Variants in YES1 observed in about 807,000 individuals in gnomAD.
YES1 encodes the protein YES proto-oncogene 1, Src family tyrosine kinase, also known as tyrosine-protein kinase Yes.
YES1 carries 39 observed loss-of-function variants against 70.4 expected under a neutral mutation model. That is an observed-to-expected ratio of 0.55 (90% CI 0.43 to 0.72). YES1 has a LOEUF of 0.72. YES1 is among the 30% of genes least tolerant of loss of function. YES1 has a pLI of 0.00. For synonymous variants in YES1, 198 were observed against 218.6 expected (o/e 0.91, Z 0.83); for missense variants, 495 against 644.8 (o/e 0.77, Z 2.52).
At chr18:763,703 C>CAA (rs71174286) in intron 1 of YES1, among the ~76,000 whole-genome samples, 927 of 63,430 alleles carry the variant, frequency 0.015, 48 homozygotes, top group African/African-American at 0.026. Flanking sequence ...ATCCTGTCTT[C>CAA]AAAAAAAAAA....
At chr18:803,623 T>C (rs1906936698) in intron 1 of YES1, among the ~76,000 whole-genome samples, 1 of 152,164 alleles carries the variant, frequency 6.6e-6, no homozygotes, top group Non-Finnish European at 1.5e-5. Flanking sequence ...TGTACTTAAA[T>C]TAAGCTTAAT....
intron 11 of YES1, among the ~76,000 whole-genome samples, chr18:731,833 G>C (rs1474777660): frequency 6.6e-6 from 1 of 151,988 alleles, no homozygotes; most frequent in Non-Finnish European, 1.5e-5. Flanking sequence ...TGGGCGTGGT[G>C]GCGGGTGCCT....
chr18:803,887 T>C (rs1906949439), intron 1 of YES1, among the ~76,000 whole-genome samples: 1 of 152,230 alleles, frequency 6.6e-6, no homozygotes. Flanking sequence ...TACCTATTTG[T>C]GAGGCTTTTA....
At chr18:792,563 ATATGTGTGTG>A in intron 1 of YES1, among the ~76,000 whole-genome samples, 1 of 104,528 alleles carries the variant, frequency 9.6e-6, no homozygotes, top group East Asian at 3.0e-4. Context: ...CTCCCTCTGT[ATATGTGTGTG>A]TGTGTGTGTG....
intron 1 of YES1, among the ~76,000 whole-genome samples, chr18:782,855 C>T (rs558643982): frequency 6.6e-6 from 1 of 152,126 alleles, no homozygotes; most frequent in East Asian, 1.9e-4. Flanking sequence ...CCACCATGCC[C>T]GGCTAATTTT....
chr18:811,886 C>A (rs1360337134), intron 1 of YES1, among the ~76,000 whole-genome samples: 2 of 152,276 alleles, frequency 1.3e-5, no homozygotes, highest in South Asian at 4.1e-4. Flanking sequence ...CCCGGCAGGT[C>A]TGGACAGGGC....
Position 743,918 on chromosome 18 carries a change from A to ATAT in YES1, c.725-504_725-503insATA, listed in dbSNP as rs1455403158. Among the ~76,000 whole-genome samples the ATAT allele has an allele frequency of 4.6e-3, 668 of 146,736 alleles. 5 individuals carry two copies. Among genetic ancestry groups the ATAT allele is most frequent in the African/African-American group, 0.016 (633 of 40,012 alleles). Reference sequence around the variant, plus strand: ...GAGATTCTGACTCGAAAAAAAAAAAAATATATATATATATACATGTTATTA... The same window carrying ATAT: ...GAGATTCTGACTCGAAAAAAAAAAAATATATATATATATATATACATGTTATTA... On this transcript the variant is annotated intron_variant, in intron 6 of 11. Coordinates refer to ENST00000314574, the MANE Select transcript of YES1 (RefSeq NM_005433.4).
intron 1 of YES1, among the ~76,000 whole-genome samples, chr18:761,413 C>A (rs1423542114): frequency 6.6e-6 from 1 of 152,080 alleles, no homozygotes; most frequent in Non-Finnish European, 1.5e-5. Flanking sequence ...ATGGGGGAAA[C>A]CCAGTAATAC....
chr18:794,840 G>A (rs1026316964), intron 1 of YES1, among the ~76,000 whole-genome samples: 6 of 152,200 alleles, frequency 3.9e-5, no homozygotes, highest in South Asian at 2.1e-4. Context: ...TTTTTGAGAC[G>A]GAGTCTCACT....
chr18:802,468 T>C (rs1598947922), intron 1 of YES1, among the ~76,000 whole-genome samples: 1 of 146,262 alleles, frequency 6.8e-6, no homozygotes, highest in African/African-American at 2.6e-5. Context: ...CGCTTGAACC[T>C]GGGAGGCAGA....
chr18:728,348 T>C (rs531112012), intron 11 of YES1, among the ~76,000 whole-genome samples: 11 of 152,238 alleles, frequency 7.2e-5, no homozygotes, highest in Admixed American at 3.3e-4. Flanking sequence ...CATTTATGTT[T>C]CATATACACC....
At position 786,193 on chromosome 18, in the gene YES1, T is replaced by C. The variant is rs1905928020; in HGVS notation, c.-9+25921A>G. The stretch of plus-strand genomic sequence containing the variant: ...CTTCAAATAACCTCTAAATGAGAAT[T>C]TGGCAGGAAGCTGGTCTCCACACAG... On this transcript the variant is annotated intron_variant, in intron 1 of 11. Coordinates refer to ENST00000314574, the MANE Select transcript of YES1 (RefSeq NM_005433.4). Among the ~76,000 whole-genome samples the C allele has an allele frequency of 2.1e-5, 3 of 145,422 alleles. No individual in the cohort carries two copies. In the South Asian group the frequency reaches 6.4e-4, roughly 31 times the overall value.
chr18:732,795 A>G (rs2080107817), intron 11 of YES1, 39 bp downstream of exon 11: 2 of 1,613,308 alleles, frequency 1.2e-6, no homozygotes, highest in Non-Finnish European at 1.7e-6. Flanking sequence ...TGATAAAGCC[A>G]CTCATGAGAT....
chr18:793,496 C>A (rs911045036), intron 1 of YES1, among the ~76,000 whole-genome samples: 1 of 151,954 alleles, frequency 6.6e-6, no homozygotes, highest in Non-Finnish European at 1.5e-5. Context: ...GCCACTACAC[C>A]CAACTAATTT....
At chr18:729,658 G>A (rs150764986) in intron 11 of YES1, among the ~76,000 whole-genome samples, 1,416 of 113,168 alleles carry the variant, frequency 0.013, 31 homozygotes, top group African/African-American at 0.046. Context: ...ACAGAGTCTC[G>A]CTCTGTCACC....
chr18:776,938 G>A (rs1266907344), intron 1 of YES1, among the ~76,000 whole-genome samples: 1 of 152,046 alleles, frequency 6.6e-6, no homozygotes, highest in African/African-American at 2.4e-5. Flanking sequence ...TTTCTAATAC[G>A]CTTTCCCTAT....
chr18:789,312 TGA>T (rs1279142282), intron 1 of YES1, among the ~76,000 whole-genome samples: 21 of 152,172 alleles, frequency 1.4e-4, no homozygotes, highest in African/African-American at 4.1e-4. Flanking sequence ...CGAGGCATGG[TGA>T]CTCACGCATG....
intron 8 of YES1, among the ~76,000 whole-genome samples, chr18:742,618 A>G (rs2080228758): frequency 1.3e-5 from 2 of 152,194 alleles, no homozygotes; most frequent in African/African-American, 4.8e-5. Flanking sequence ...TGATTTTATC[A>G]TTTTAATTAA....
chr18:801,523 G>A lies in YES1; in HGVS notation c.-9+10591C>T, dbSNP rs1202164239. On this transcript the variant is annotated intron_variant, in intron 1 of 11. Coordinates refer to ENST00000314574, the MANE Select transcript of YES1 (RefSeq NM_005433.4). ...GAAAATGGCTATCTTTCTGCAACACGTCTGAAATTTTAACTGAACCATCAG... is the reference window on the plus strand; with the variant it reads ...GAAAATGGCTATCTTTCTGCAACACATCTGAAATTTTAACTGAACCATCAG... Among the ~76,000 whole-genome samples, 6 of 152,136 alleles carry A rather than the reference G, an allele frequency of 3.9e-5. No individual in the cohort carries two copies. In the East Asian group the frequency reaches 7.7e-4, roughly 19 times the overall value.
Sources: allele counts gnomAD v4.1 joint callset (sites outside exome capture counted in the v4.1 genomes callset), GRCh38; gene constraint gnomAD v4.1.1; transcripts MANE v1.5; gene names NCBI Gene and HGNC (gene_info 2026-07-23, HGNC 2026-07-21).